Variants in PHF3 observed in about 807,000 individuals in gnomAD.
PHF3 encodes PHD finger protein 3.
A neutral mutation model predicts 178.4 loss-of-function variants in PHF3; 41 were observed. The ratio of observed to expected loss-of-function variants is 0.23; its 90% CI spans 0.18 to 0.30. The LOEUF (loss-of-function observed/expected upper bound fraction) is 0.30. Among genes scored for constraint, PHF3 ranks in the 10% least tolerant of loss-of-function variants. PHF3 has a pLI of 1.00. For synonymous variants in PHF3, 842 were observed against 800.5 expected, an observed-to-expected ratio of 1.05 and a Z score of -0.88; for missense variants, 2,346 against 2,398.1, an observed-to-expected ratio of 0.98 and a Z score of 0.45.
Position 63,699,322 on chromosome 6 carries a change from C to T in PHF3, c.2982+717C>T, listed in dbSNP as rs1203415712. Reference sequence around the variant, plus strand: ...TCTTGTGTGTGACATTTACCTAGGTCCACCAGCAGTTTTTTGCTATAGATT... The same window carrying T: ...TCTTGTGTGTGACATTTACCTAGGTTCACCAGCAGTTTTTTGCTATAGATT... On this transcript the variant is annotated intron_variant, in intron 8 of 15. Transcript: ENST00000262043. Among the ~76,000 whole-genome samples, 6 of 152,154 alleles carry T rather than the reference C, an allele frequency of 3.9e-5. No homozygotes were observed. The East Asian group carries it at 1.2e-3, about 29-fold the overall frequency.
At chr6:63,652,936 T>C (rs151209066) in intron 2 of PHF3, among the ~76,000 whole-genome samples, 2 of 152,144 alleles carry the variant, frequency 1.3e-5, no homozygotes, top group African/African-American at 4.8e-5. Context: ...TATCATAGCT[T>C]TGTAGTATAT....
At chr6:63,687,656 A>G (rs1766773435) in intron 4 of PHF3, among the ~76,000 whole-genome samples, 1 of 152,218 alleles carries the variant, frequency 6.6e-6, no homozygotes, top group African/African-American at 2.4e-5. Context: ...GTAAGTTATA[A>G]TGTAACGTAC....
At chr6:63,696,955 T>C (rs551218464) in intron 6 of PHF3, among the ~76,000 whole-genome samples, 2 of 152,160 alleles carry the variant, frequency 1.3e-5, no homozygotes, top group Non-Finnish European at 2.9e-5. Flanking sequence ...TTTTGCTGTT[T>C]AAAGAAACAA....
intron 5 of PHF3, among the ~76,000 whole-genome samples, chr6:63,692,938 T>G (rs1394937808): frequency 6.6e-6 from 1 of 152,224 alleles, no homozygotes; most frequent in Non-Finnish European, 1.5e-5. Context: ...AGCATGAGGA[T>G]GTGTTCTCCA....
intron 1 of PHF3, among the ~76,000 whole-genome samples, chr6:63,645,036 A>G (rs1764726493): frequency 6.7e-6 from 1 of 150,042 alleles, no homozygotes; most frequent in Non-Finnish European, 1.5e-5. Context: ...ACACGTCACC[A>G]CACCTGGCTA....
intron 2 of PHF3, among the ~76,000 whole-genome samples, chr6:63,678,578 C>A (rs1435357088): frequency 6.6e-6 from 1 of 151,328 alleles, no homozygotes; most frequent in African/African-American, 2.4e-5. Context: ...CTGTTTTCTG[C>A]CAATCTTTTT....
At chr6:63,705,442 G>A (rs1368105405) in intron 11 of PHF3, among the ~76,000 whole-genome samples, 1 of 152,226 alleles carries the variant, frequency 6.6e-6, no homozygotes, top group African/African-American at 2.4e-5. Context: ...CCTGTCAGAT[G>A]CAGTGGCGTT....
At position 63,716,123 on chromosome 6, in the gene PHF3, T is replaced by G. The variant is rs1029028650; in HGVS notation, c.*2415T>G. Among the ~76,000 whole-genome samples the G allele has an allele frequency of 2.0e-5, 3 of 152,134 alleles. No individual in the cohort carries two copies. Among genetic ancestry groups the G allele is most frequent in the Non-Finnish European group, 4.4e-5 (3 of 68,022 alleles). On this transcript the variant is annotated 3_prime_UTR_variant, in exon 16 of 16. Coordinates refer to ENST00000262043, the MANE Select transcript of PHF3 (RefSeq NM_001370348.2). ...GAGCCCTCTGTAAGGCATCCCTGGT[T>G]TTGAGCACTTAGTATAAACATTGGT... is the stretch of plus-strand genomic sequence containing the variant.
At chr6:63,670,359 C>A (rs1396435354) in intron 2 of PHF3, among the ~76,000 whole-genome samples, 1 of 152,164 alleles carries the variant, frequency 6.6e-6, no homozygotes, top group Non-Finnish European at 1.5e-5. Context: ...AGCTCTGCCT[C>A]CTGGGTTCAC....
rs555560497 is a variant in PHF3 at position 63,651,758 on chromosome 6, T to C, written c.244+4963T>C. On this transcript the variant is annotated intron_variant, in intron 2 of 15. Coordinates refer to ENST00000262043, the MANE Select transcript of PHF3 (RefSeq NM_001370348.2). ...TAATCACTATTGTACTGTCTACTTG[T>C]GTGAGCTCAACTCTTTTGCTGCTAT... is the stretch of plus-strand genomic sequence containing the variant. Among the ~76,000 whole-genome samples, 7 of 152,312 alleles carry C rather than the reference T, an allele frequency of 4.6e-5. No homozygotes were observed. In the South Asian group the frequency reaches 1.5e-3, roughly 32 times the overall value.
intron 3 of PHF3, among the ~76,000 whole-genome samples, chr6:63,680,666 G>A (rs1766396089): frequency 6.6e-6 from 1 of 151,840 alleles, no homozygotes; most frequent in African/African-American, 2.4e-5. Context: ...TCTGATTTAA[G>A]TGTTTTAGTT....
intron 2 of PHF3, among the ~76,000 whole-genome samples, chr6:63,672,717 AGCCG>A (rs1475447913): frequency 6.6e-6 from 1 of 152,204 alleles, no homozygotes; most frequent in Admixed American, 6.5e-5. Context: ...CTTGTGGATG[AGCCG>A]TAACCTAGCT....
At chr6:63,683,328 CTT>C (rs1766523121) in intron 3 of PHF3, among the ~76,000 whole-genome samples, 1 of 151,928 alleles carries the variant, frequency 6.6e-6, no homozygotes, top group Admixed American at 6.6e-5. Flanking sequence ...ATTTAGCTCT[CTT>C]TCTTTTTAGC....
intron 1 of PHF3, among the ~76,000 whole-genome samples, chr6:63,642,980 T>C (rs1764639697): frequency 6.6e-6 from 1 of 152,158 alleles, no homozygotes; most frequent in South Asian, 2.1e-4. Context: ...GTGTAGTGTT[T>C]GTATATACTC....
intron 13 of PHF3, 73 bp from the exon 14 acceptor site, chr6:63,709,078 T>C: frequency 1.4e-6 from 1 of 740,670 alleles, no homozygotes; most frequent in Admixed American, 2.8e-5. Flanking sequence ...AGAATCAAAT[T>C]TGTATGAATT....
intron 1 of PHF3, among the ~76,000 whole-genome samples, chr6:63,640,279 G>A (rs1764517364): frequency 6.6e-6 from 1 of 152,146 alleles, no homozygotes; most frequent in African/African-American, 2.4e-5. Context: ...TGTCCTCGAA[G>A]GATGGATAAC....
In PHF3 at chr6:63,685,837, C is replaced by T. The variant is rs779484427; in HGVS notation, c.2115C>T (p.Ser705=). The change falls in exon 4 of 16, where the codon AGC becomes AGT. Residue 705 remains serine, a synonymous_variant. Transcript: ENST00000262043. ...ATIRREGSDH[S]SSFESKYMWT... Reference sequence around the variant, plus strand: ...TAAGAAGAGAAGGCTCTGATCATAGCTCCTCATTTGAAAGCAAATATATGT... The same window carrying T: ...TAAGAAGAGAAGGCTCTGATCATAGTTCCTCATTTGAAAGCAAATATATGT... 2.5e-6 allele frequency: 4 copies of T among 1,613,668 alleles called. No homozygotes were observed. Among genetic ancestry groups the T allele is most frequent in the South Asian group, 2.2e-5 (2 of 91,086 alleles).
Position 63,685,634 on chromosome 6 carries a change from A to G in PHF3, c.1912A>G (p.Lys638Glu). 1 of 1,614,144 alleles carries G rather than the reference A, an allele frequency of 6.2e-7. No homozygotes were observed. Among genetic ancestry groups the G allele is most frequent in the Non-Finnish European group, 8.5e-7 (1 of 1,180,022 alleles). Residue 638 changes from lysine (K) to glutamate (E), a missense_variant, in exon 4 of 16, where the codon AAA becomes GAA. Around this residue, in one of 8 missense-constraint regions of PHF3, gnomAD observed 843 missense variants for 795.2 expected, o/e 1.06. Coordinates refer to ENST00000262043, the MANE Select transcript of PHF3 (RefSeq NM_001370348.2). ...GCCTCAGCAACAGGCCCCAGCAATG[A>G]AAACCAATAGTCACGTGAAGGAAGA... ...HKPQQQAPAMKTNSHVKEELE... is the reference protein window; with the variant it reads ...HKPQQQAPAMETNSHVKEELE...
At chr6:63,699,338 G>C (rs1767373165) in intron 8 of PHF3, among the ~76,000 whole-genome samples, 1 of 152,134 alleles carries the variant, frequency 6.6e-6, no homozygotes, top group Non-Finnish European at 1.5e-5. Flanking sequence ...GCAGTTTTTT[G>C]CTATAGATTA....
Sources: allele counts gnomAD v4.1 joint callset (sites outside exome capture counted in the v4.1 genomes callset), GRCh38; gene constraint gnomAD v4.1.1; regional missense constraint gnomAD v4.1.1; transcripts MANE v1.5; gene names NCBI Gene and HGNC (gene_info 2026-07-23, HGNC 2026-07-21).